The following EHF variants were observed in gnomAD, a reference collection of about 807,000 sequenced individuals.
EHF encodes ESE3 transcription factor.
A neutral mutation model predicts 45.1 loss-of-function variants in EHF; 14 were observed. The observed-to-expected ratio is 0.31, with a 90% CI of 0.21 to 0.49. The LOEUF (loss-of-function observed/expected upper bound fraction) is 0.49, where lower values mean the gene tolerates loss of function less well. Among genes scored for constraint, EHF ranks in the 20% least tolerant of loss-of-function variants. The pLI is 0.99. For synonymous variants in EHF, 136 were observed against 131.8 expected (o/e 1.03, Z -0.22); for missense variants, 282 against 371.4 (o/e 0.76, Z 1.98).
intron 2 of EHF, among the ~76,000 whole-genome samples, chr11:34,643,105 C>T (rs1011933579): frequency 8.8e-4 from 129 of 147,032 alleles, no homozygotes; most frequent in African/African-American, 3.1e-3. Flanking sequence ...TGTATGTGCG[C>T]GTGCATGGAG....
chr11:34,637,429 A>G (rs1853550266), intron 1 of EHF, among the ~76,000 whole-genome samples: 1 of 152,110 alleles, frequency 6.6e-6, no homozygotes, highest in African/African-American at 2.4e-5. Flanking sequence ...TGTACCTGAA[A>G]CTGCCCTTAA....
At chr11:34,629,859 GTT>G (rs5791006) in intron 1 of EHF, among the ~76,000 whole-genome samples, 4 of 151,202 alleles carry the variant, frequency 2.6e-5, no homozygotes, top group South Asian at 2.1e-4. Flanking sequence ...ATTTCCCAAG[GTT>G]TTTTTTTTCT....
chr11:34,632,335 A>C, intron 1 of EHF: 1 of 666,226 alleles, frequency 1.5e-6, no homozygotes, highest in Non-Finnish European at 2.3e-6. Context: ...TCAGAAGATA[A>C]CAGAAGCCCC....
chr11:34,626,980 C>A (rs1188106379), intron 1 of EHF, among the ~76,000 whole-genome samples: 1 of 152,100 alleles, frequency 6.6e-6, no homozygotes, highest in Admixed American at 6.6e-5. Context: ...TGTGAAAGCA[C>A]CTGAACAAAA....
At chr11:34,651,701 G>A (rs1244830918) in intron 5 of EHF, 36 bp from the exon 6 acceptor site, 2 of 1,612,106 alleles carry the variant, frequency 1.2e-6, no homozygotes, top group East Asian at 2.2e-5. Flanking sequence ...GGGGGAGGGG[G>A]TGCTCTAAAT....
At chr11:34,621,803 A>G (rs1852004793) in intron 1 of EHF, among the ~76,000 whole-genome samples, 1 of 152,258 alleles carries the variant, frequency 6.6e-6, no homozygotes, top group Non-Finnish European at 1.5e-5. Flanking sequence ...AGGCAGAGGT[A>G]TTGGGGAGAG....
intron 6 of EHF, among the ~76,000 whole-genome samples, chr11:34,654,872 C>T (rs1430010814): frequency 6.6e-6 from 1 of 152,148 alleles, no homozygotes; most frequent in Non-Finnish European, 1.5e-5. Flanking sequence ...TTTCTGAATT[C>T]AACTCCTGGC....
intron 2 of EHF, among the ~76,000 whole-genome samples, chr11:34,644,247 G>A (rs1385585442): frequency 6.6e-6 from 1 of 152,192 alleles, no homozygotes; most frequent in Non-Finnish European, 1.5e-5. Context: ...AACCAGAGCT[G>A]TACTGTCATA....
rs573721762 is a variant in EHF at position 34,642,787 on chromosome 11, T to A, written c.97+60T>A. ...TGCTGTGTGGGCTCTTTGCTTTAAT[T>A]CCTCTCACAACCTAATGTTTGAAAA... On this transcript the variant is annotated intron_variant, in intron 2 of 8. Transcript: ENST00000257831. 220 of 1,233,828 alleles carry A rather than the reference T, an allele frequency of 1.8e-4. No homozygotes were observed. The South Asian group carries it at 2.6e-3, about 15-fold the overall frequency. 76.4% of individuals were successfully genotyped at this position (1,233,828 alleles called of 1,614,324 possible).
chr11:34,654,678 C>T (rs550211344), intron 6 of EHF, among the ~76,000 whole-genome samples: 12 of 152,098 alleles, frequency 7.9e-5, no homozygotes, highest in Non-Finnish European at 1.8e-4. Context: ...CTGCATGGGC[C>T]ACAGCCCCCT....
chr11:34,655,673 T>C (rs994118509), intron 6 of EHF, among the ~76,000 whole-genome samples: 1 of 152,244 alleles, frequency 6.6e-6, no homozygotes, highest in Non-Finnish European at 1.5e-5. Flanking sequence ...GTGAATTAAA[T>C]AAAGTGATTC....
At chr11:34,630,355 T>C (rs1300741323) in intron 1 of EHF, among the ~76,000 whole-genome samples, 1 of 152,242 alleles carries the variant, frequency 6.6e-6, no homozygotes, top group Non-Finnish European at 1.5e-5. Flanking sequence ...ATATTAGTAC[T>C]AACATTCAGG....
At chr11:34,635,064 T>C (rs1853255506) in intron 1 of EHF, among the ~76,000 whole-genome samples, 1 of 152,212 alleles carries the variant, frequency 6.6e-6, no homozygotes, top group South Asian at 2.1e-4. Context: ...GTTGTGAGCA[T>C]TGATTGAGAT....
At chr11:34,631,154 C>G (rs556371532) in intron 1 of EHF, among the ~76,000 whole-genome samples, 155 of 152,280 alleles carry the variant, frequency 1.0e-3, no homozygotes, top group African/African-American at 3.3e-3. Context: ...GCCTCAGCCT[C>G]CCAAGTAGCT....
chr11:34,656,771 G>T (rs1855711861), intron 6 of EHF, 137 bp from the exon 7 acceptor site: 5 of 857,354 alleles, frequency 5.8e-6, no homozygotes, highest in Non-Finnish European at 8.8e-6. Context: ...TGTTTTGTTT[G>T]GTTCACTAGC....
chr11:34,646,702 TG>T lies in EHF; in HGVS notation c.343+19del. 1 of 1,604,574 alleles carries T rather than the reference TG, an allele frequency of 6.2e-7. No individual in the cohort carries two copies. Among genetic ancestry groups the T allele is most frequent in the Non-Finnish European group, 8.5e-7 (1 of 1,179,886 alleles). On this transcript the variant is annotated intron_variant, in intron 3 of 8. Coordinates refer to ENST00000257831, the MANE Select transcript of EHF (RefSeq NM_012153.6). Reference sequence around the variant, plus strand: ...GTGGAACGGTGACTCTCTCTTTCTGTGTCTCTCCCTACCCTGCTAGGAGCCA... The same window carrying T: ...GTGGAACGGTGACTCTCTCTTTCTGTTCTCTCCCTACCCTGCTAGGAGCCA...
chr11:34,632,568 A>T, intron 1 of EHF: 1 of 1,535,610 alleles, frequency 6.5e-7, no homozygotes, highest in Non-Finnish European at 8.7e-7. Context: ...TCCTAGTCAG[A>T]GTTTTCTGTG....
At position 34,661,607 on chromosome 11, in the gene EHF, G is replaced by T. The variant is rs937936097; in HGVS notation, c.*2676G>T. Among the ~76,000 whole-genome samples, 1 of 152,108 alleles carries T rather than the reference G, an allele frequency of 6.6e-6. No homozygotes were observed. The highest frequency in any genetic ancestry group is 2.4e-5 in the African/African-American group (1 of 41,436). On this transcript the variant is annotated 3_prime_UTR_variant, in exon 9 of 9. Transcript: ENST00000257831. ...CTCTCTATTGTCTTGACTTGAGTTT[G>T]CTGCATTTTCTATGTGCTGTTCGTG...
At chr11:34,643,400 C>G (rs1854217953) in intron 2 of EHF, among the ~76,000 whole-genome samples, 1 of 152,118 alleles carries the variant, frequency 6.6e-6, no homozygotes, top group South Asian at 2.1e-4. Context: ...TTAGAGCTCT[C>G]CAGTTTAGGC....
Sources: gnomAD v4.1 joint callset for allele counts (sites outside exome capture counted in the v4.1 genomes callset) on GRCh38, gnomAD v4.1.1 for gene constraint, MANE v1.5 for transcripts, NCBI Gene and HGNC (gene_info 2026-07-23, HGNC 2026-07-21) for gene names.